The following PTK2 variants were observed in gnomAD, a reference collection of about 807,000 sequenced individuals.
PTK2 encodes protein tyrosine kinase 2.
PTK2 carries 45 observed loss-of-function variants against 150.1 expected under a neutral mutation model. The ratio of observed to expected loss-of-function variants is 0.30; its 90% CI spans 0.24 to 0.38. The LOEUF (loss-of-function observed/expected upper bound fraction) is 0.38. Ranked by LOEUF, PTK2 falls within the 10% of genes least tolerant of loss-of-function variation. The pLI is 1.00. For synonymous variants in PTK2, 432 were observed against 449.2 expected (o/e 0.96, Z 0.48); for missense variants, 919 against 1,307.3 (o/e 0.70, Z 4.58).
intron 11 of PTK2, among the ~76,000 whole-genome samples, chr8:140,802,190 C>T (rs910545240): frequency 1.3e-5 from 2 of 151,874 alleles, no homozygotes; most frequent in African/African-American, 4.8e-5. Context: ...TGTGTTACGG[C>T]CCCTGAAGAC....
intron 26 of PTK2, among the ~76,000 whole-genome samples, chr8:140,697,851 T>C (rs1198662380): frequency 2.0e-5 from 2 of 98,188 alleles, no homozygotes; most frequent in African/African-American, 3.6e-5. Context: ...TAGGGTTTAC[T>C]GTTTTTTTTT....
intron 23 of PTK2, among the ~76,000 whole-genome samples, chr8:140,715,706 CAAAT>C (rs1455371323): frequency 6.6e-6 from 1 of 151,736 alleles, no homozygotes; most frequent in Non-Finnish European, 1.5e-5. Flanking sequence ...GTTTACTTAA[CAAAT>C]AAACCTTTGT....
chr8:140,743,355 T>TA, intron 19 of PTK2, 25 bp from the exon 23 acceptor site: 1 of 1,579,750 alleles, frequency 6.3e-7, no homozygotes. Context: ...TTTGAGACAA[T>TA]AAGACTTAAA....
chr8:140,834,711 A>G (rs182588180), intron 7 of PTK2, among the ~76,000 whole-genome samples: 1 of 152,318 alleles, frequency 6.6e-6, no homozygotes, highest in East Asian at 1.9e-4. Flanking sequence ...GAAAGGTACT[A>G]TAAGATAAGA....
intron 5 of PTK2, among the ~76,000 whole-genome samples, chr8:140,847,887 C>G (rs1391187665): frequency 6.6e-6 from 1 of 152,156 alleles, no homozygotes; most frequent in Non-Finnish European, 1.5e-5. Context: ...TCACTCCACA[C>G]CAATCTTTGT....
At chr8:140,679,305 G>A (rs1300975708) in intron 27 of PTK2, among the ~76,000 whole-genome samples, 1 of 151,960 alleles carries the variant, frequency 6.6e-6, no homozygotes, top group Non-Finnish European at 1.5e-5. Flanking sequence ...GATTACAGGC[G>A]TGAGCCACCG....
chr8:140,910,323 C>CTT (rs199980727), intron 2 of PTK2, among the ~76,000 whole-genome samples: 10 of 150,768 alleles, frequency 6.6e-5, no homozygotes, highest in African/African-American at 2.2e-4. Context: ...TTTCCCTTGC[C>CTT]TTTTTTTTTA....
chr8:140,720,147 G>T (rs1297838493), intron 22 of PTK2, among the ~76,000 whole-genome samples: 1 of 151,990 alleles, frequency 6.6e-6, no homozygotes, highest in Non-Finnish European at 1.5e-5. Flanking sequence ...TTTTGGAAAT[G>T]TAACGAGCAT....
At chr8:140,907,195 C>G (rs1184928469) in intron 2 of PTK2, among the ~76,000 whole-genome samples, 1 of 152,164 alleles carries the variant, frequency 6.6e-6, no homozygotes, top group Non-Finnish European at 1.5e-5. Flanking sequence ...GTTCAACCTA[C>G]TAAACTGTTG....
intron 2 of PTK2, among the ~76,000 whole-genome samples, chr8:140,923,979 C>G (rs1304162992): frequency 6.6e-6 from 1 of 152,170 alleles, no homozygotes; most frequent in East Asian, 1.9e-4. Flanking sequence ...ATCAATCACA[C>G]AATTTTACTC....
intron 17 of PTK2, chr8:140,751,917 G>C (rs1251999115): frequency 3.7e-6 from 2 of 541,954 alleles, no homozygotes; most frequent in East Asian, 1.0e-4. Flanking sequence ...GCATTCCTGG[G>C]GTCTGGGCAG....
In PTK2 at chr8:140,838,802, C is replaced by T. The variant is rs572696176; in HGVS notation, c.593+7458G>A. On this transcript the variant is annotated intron_variant, in intron 7 of 31. Coordinates refer to ENST00000522684, the Ensembl canonical transcript of PTK2. ...CGGGCGGATCACAAGGTCAGGAGAT[C>T]GAGACCATCCTGGCTAACATGGTGA... Among the ~76,000 whole-genome samples, 80 of 152,130 alleles carry T rather than the reference C, an allele frequency of 5.3e-4. 1 individual carries two copies. In the East Asian group the frequency reaches 0.014, roughly 27 times the overall value.
intron 2 of PTK2, among the ~76,000 whole-genome samples, chr8:140,906,383 T>G (rs2100160875): frequency 6.6e-6 from 1 of 152,188 alleles, no homozygotes; most frequent in Admixed American, 6.5e-5. Flanking sequence ...TGAAGTGATA[T>G]CTGCATCCCC....
intron 1 of PTK2, among the ~76,000 whole-genome samples, chr8:140,930,639 A>G (rs2100171362): frequency 6.6e-6 from 1 of 152,166 alleles, no homozygotes; most frequent in Admixed American, 6.5e-5. Context: ...AGACTCATGT[A>G]TTATTTAGAA....
Position 140,752,249 on chromosome 8 carries a change from TTC to T in PTK2, c.1398_1399del (p.Lys467IlefsTer12). The stretch of plus-strand genomic sequence containing the variant: ...ACACTTACAGGCTTCTTGAAGAAAT[TTC>T]TCTCTCACGCTGTCCGAAGTACAGT... On this transcript the variant is annotated frameshift_variant, in exon 17 of 32. Coordinates refer to ENST00000522684, the Ensembl canonical transcript of PTK2. LOFTEE classifies it high-confidence loss of function. 6.2e-7 allele frequency: 1 copy of T among 1,613,926 alleles called. No individual in the cohort carries two copies. Among genetic ancestry groups the T allele is most frequent in the South Asian group, 1.1e-5 (1 of 91,068 alleles).
intron 2 of PTK2, chr8:140,892,661 C>T (rs1001235647): frequency 4.9e-6 from 2 of 411,410 alleles, no homozygotes; most frequent in Non-Finnish European, 9.3e-6. Context: ...TATAACAGCA[C>T]AGTAAAAGGA....
intron 1 of PTK2, among the ~76,000 whole-genome samples, chr8:140,994,547 A>G (rs914452496): frequency 6.6e-6 from 1 of 152,096 alleles, no homozygotes; most frequent in Non-Finnish European, 1.5e-5. Flanking sequence ...GGGTCTCACT[A>G]TGTTGCCCAG....
At chr8:140,873,683 C>T (rs1396123820) in intron 4 of PTK2, among the ~76,000 whole-genome samples, 1 of 152,084 alleles carries the variant, frequency 6.6e-6, no homozygotes, top group Non-Finnish European at 1.5e-5. Flanking sequence ...TCAGGCTGGT[C>T]TCGAACTCTT....
chr8:140,877,389 T>C (rs2100146277), intron 4 of PTK2, among the ~76,000 whole-genome samples: 1 of 152,156 alleles, frequency 6.6e-6, no homozygotes, highest in Non-Finnish European at 1.5e-5. Flanking sequence ...AAGACAACAT[T>C]ATTCCCATAT....
Sources: gnomAD v4.1 joint callset for allele counts (sites outside exome capture counted in the v4.1 genomes callset) on GRCh38, gnomAD v4.1.1 for gene constraint, MANE v1.5 for transcripts, NCBI Gene and HGNC (gene_info 2026-07-23, HGNC 2026-07-21) for gene names.